Variants in FREM3 observed in about 807,000 individuals in gnomAD.
FREM3 encodes FRAS1-related extracellular matrix protein 3.
In FREM3, 105 loss-of-function variants were observed where a neutral mutation model predicts 129.1. That is an observed-to-expected ratio of 0.81 (90% CI 0.69 to 0.96). The LOEUF (loss-of-function observed/expected upper bound fraction) is 0.96. Ranked by LOEUF, FREM3 falls within the 40% of genes least tolerant of loss-of-function variation. The probability of loss-of-function intolerance (pLI) is 0.00; values close to 1 mark genes in which losing one functional copy is unlikely to be tolerated. For missense variants in FREM3, 2,593 were observed against 2,666.3 expected (o/e 0.97, Z 0.61); for synonymous variants, 1,014 against 1,044.9 (o/e 0.97, Z 0.57).
Position 143,696,924 on chromosome 4 carries a change from G to A in FREM3, c.3752C>T (p.Pro1251Leu), listed in dbSNP as rs1355426847. The A allele has an allele frequency of 5.2e-6, 8 of 1,537,376 alleles. No individual in the cohort carries two copies. The highest frequency in any genetic ancestry group is 7.0e-6 in the Non-Finnish European group (8 of 1,147,004). ...IIQQLATGSQPIHSFTLKEIQ... is the reference protein window; with the variant it reads ...IIQQLATGSQLIHSFTLKEIQ... ...CTCCTTGAGGGTGAAGCTGTGGATG[G>A]GCTGGCTGCCTGTAGCCAGCTGCTG... The change falls in exon 1 of 8, where the codon CCC becomes CTC. Residue 1251 changes from proline (P) to leucine (L), a missense_variant. By Grantham distance (98) the Pro-to-Leu change is moderately conservative. Around this residue, in one of 2 missense-constraint regions of FREM3, gnomAD observed 2,276 missense variants for 2,267.2 expected, o/e 1.00. Transcript: ENST00000329798.
rs753227949 is a variant in FREM3 at position 143,696,369 on chromosome 4, A to G, written c.4307T>C (p.Leu1436Ser). 6.5e-7 allele frequency: 1 copy of G among 1,537,302 alleles called. No individual in the cohort carries two copies. Among genetic ancestry groups the G allele is most frequent in the African/African-American group, 1.4e-5 (1 of 73,036 alleles). The stretch of plus-strand genomic sequence containing the variant: ...AAGGGTCACTCTGGCACCTTCTATC[A>G]AGGTGATCCTTTTGCTGATTACCTC... ...FPEVISKRIT[L>S]IEGARVTLTN... The change falls in exon 1 of 8, where the codon TTG (leucine) becomes TCG (serine). Residue 1436 changes from leucine (L) to serine (S), a missense_variant. By Grantham distance (145) the Leu-to-Ser change is moderately radical. This residue lies in a region of FREM3 where 2,276 missense variants were observed against 2,267.2 expected (regional missense o/e 1.00). Coordinates refer to ENST00000329798, the MANE Select transcript of FREM3 (RefSeq NM_001168235.2).
intron 3 of FREM3, 100 bp downstream of exon 3, chr4:143,627,514 G>C (rs1739061555): frequency 9.3e-7 from 1 of 1,073,230 alleles, no homozygotes; most frequent in South Asian, 1.5e-5. Flanking sequence ...CTCCAAACCA[G>C]TTCTTTATTC....
At chr4:143,594,928 T>C (rs1738439955) in intron 6 of FREM3, among the ~76,000 whole-genome samples, 1 of 152,178 alleles carries the variant, frequency 6.6e-6, no homozygotes, top group Non-Finnish European at 1.5e-5. Context: ...ATTAGAAGAA[T>C]ATGATGCTTT....
At chr4:143,688,732 T>C (rs370506758) in intron 2 of FREM3, among the ~76,000 whole-genome samples, 1 of 152,084 alleles carries the variant, frequency 6.6e-6, no homozygotes. Flanking sequence ...CTACTTCCAG[T>C]CAACTGATCT....
chr4:143,582,998 A>G, intron 7 of FREM3, among the ~76,000 whole-genome samples: 1 of 151,248 alleles, frequency 6.6e-6, no homozygotes, highest in Admixed American at 6.6e-5. Context: ...TTCCCACCTC[A>G]GTCTTACAAC....
At chr4:143,660,026 G>A (rs1214555535) in intron 2 of FREM3, among the ~76,000 whole-genome samples, 1 of 141,554 alleles carries the variant, frequency 7.1e-6, no homozygotes, top group East Asian at 2.1e-4. Context: ...CTCCCATTTT[G>A]TAGGTTGCCT....
chr4:143,582,254 C>G (rs544564186), intron 7 of FREM3, among the ~76,000 whole-genome samples: 1 of 152,146 alleles, frequency 6.6e-6, no homozygotes. Context: ...AGCCAGCACT[C>G]AGGTAAGAGA....
intron 7 of FREM3, among the ~76,000 whole-genome samples, chr4:143,581,206 A>C (rs1738136453): frequency 6.6e-6 from 1 of 151,786 alleles, no homozygotes; most frequent in Admixed American, 6.6e-5. Context: ...TGATCTGGGA[A>C]CCCAGCACAG....
intron 2 of FREM3, among the ~76,000 whole-genome samples, chr4:143,639,649 C>T (rs1739288118): frequency 1.3e-5 from 2 of 152,008 alleles, no homozygotes; most frequent in South Asian, 4.2e-4. Flanking sequence ...CTTTAAGCTC[C>T]CTGGAGGTCT....
Position 143,696,689 on chromosome 4 carries a change from G to T in FREM3, c.3987C>A (p.Ile1329=), listed in dbSNP as rs1545437. ...KGHSEIITNR[I]LKATDLDSDD... is the part of the protein sequence containing the mutation. Reference sequence around the variant, plus strand: ...CTGAGTCAAGATCTGTGGCCTTGAGGATCCGATTTGTGATGATCTCAGAGT... The same window carrying T: ...CTGAGTCAAGATCTGTGGCCTTGAGTATCCGATTTGTGATGATCTCAGAGT... Residue 1329 remains isoleucine (I), a synonymous_variant, in exon 1 of 8, where the codon ATC becomes ATA. Transcript: ENST00000329798. 485,259 of 1,537,442 alleles carry T rather than the reference G, an allele frequency of 0.32. 78,888 individuals are homozygous for T. Among genetic ancestry groups the T allele is most frequent in the Middle Eastern group, 0.39 (2,310 of 5,996 alleles).
chr4:143,619,099 G>A (rs896576409), intron 5 of FREM3, among the ~76,000 whole-genome samples: 1 of 152,162 alleles, frequency 6.6e-6, no homozygotes, highest in Admixed American at 6.5e-5. Context: ...CGAGACCACT[G>A]ACCTTTAACT....
intron 2 of FREM3, among the ~76,000 whole-genome samples, chr4:143,656,447 G>A (rs1466806157): frequency 6.6e-6 from 1 of 152,088 alleles, no homozygotes; most frequent in Non-Finnish European, 1.5e-5. Context: ...ATAAAAAGCA[G>A]TACCATATAT....
chr4:143,607,973 T>TTCA (rs1738694758), intron 6 of FREM3, among the ~76,000 whole-genome samples: 1 of 152,174 alleles, frequency 6.6e-6, no homozygotes, highest in African/African-American at 2.4e-5. Context: ...CTTGTGGCCC[T>TTCA]TTCCTCCAGC....
Position 143,698,719 on chromosome 4 carries a change from C to T in FREM3, c.1957G>A (p.Gly653Arg), listed in dbSNP as rs1383645124. 6.5e-7 allele frequency: 1 copy of T among 1,537,312 alleles called. No individual in the cohort carries two copies. Among genetic ancestry groups the T allele is most frequent in the Non-Finnish European group, 8.7e-7 (1 of 1,146,936 alleles). Reference sequence around the variant, plus strand: ...CCAAGATGGCGGTAGAAGAGTCTCCCTTCCATTATGTCTCTCTGTAGCCAC... The same window carrying T: ...CCAAGATGGCGGTAGAAGAGTCTCCTTTCCATTATGTCTCTCTGTAGCCAC... ...TEWLQRDIME[G>R]RLFYRHLGPH... is the part of the protein sequence containing the mutation. The change falls in exon 1 of 8, where the codon GGG (glycine) becomes AGG (arginine). Residue 653 changes from glycine (G) to arginine (R), a missense_variant. Around this residue, in one of 2 missense-constraint regions of FREM3, gnomAD observed 2,276 missense variants for 2,267.2 expected, o/e 1.00. Coordinates refer to ENST00000329798, the MANE Select transcript of FREM3 (RefSeq NM_001168235.2).
At position 143,700,421 on chromosome 4, in the gene FREM3, C is replaced by T; in HGVS notation, c.255G>A (p.Leu85=). 1.3e-6 allele frequency: 2 copies of T among 1,532,016 alleles called. No homozygotes were observed. The highest frequency in any genetic ancestry group is 1.7e-6 in the Non-Finnish European group (2 of 1,144,266). The allele number at this position is 1,532,016 out of a possible 1,614,324, so 94.9% of individuals were successfully genotyped here. ...GGTCCCCCGGCTGCACTCCAATCAC[C>T]AGATCCCGGAGCGGGTCGAGCCAAA... ...RSLWLDPLRD[L]VIGVQPGDRC... is the part of the protein sequence containing the mutation. The change falls in exon 1 of 8, where the codon CTG becomes CTA. Residue 85 remains leucine (L), a synonymous_variant. Transcript: ENST00000329798.
In FREM3 at chr4:143,611,646, T is replaced by G; in HGVS notation, c.5780-119A>C. ...AGCTATCTGAATGATACAACACACT[T>G]ACCTCTTATGCTCACAAATAGTAAT... is the stretch of plus-strand genomic sequence containing the variant. On this transcript the variant is annotated intron_variant, in intron 5 of 7. Coordinates refer to ENST00000329798, the MANE Select transcript of FREM3 (RefSeq NM_001168235.2). The G allele has an allele frequency of 4.7e-6, 4 of 849,176 alleles. No homozygotes were observed. In the South Asian group the frequency reaches 5.4e-5, roughly 11 times the overall value. 52.6% of individuals were successfully genotyped at this position (849,176 alleles called of 1,614,324 possible).
Position 143,698,348 on chromosome 4 carries a change from G to T in FREM3, c.2328C>A (p.Thr776=). The part of the protein sequence containing the change: ...DSPDTLIMHF[T]QAQVNQHKVA... ...CTTTATGCTGATTTACCTGGGCTTG[G>T]GTAAAGTGCATGATGAGTGTGTCTG... Residue 776 remains threonine (T), a synonymous_variant, in exon 1 of 8, where the codon ACC becomes ACA. Coordinates refer to ENST00000329798, the MANE Select transcript of FREM3 (RefSeq NM_001168235.2). The T allele has an allele frequency of 6.5e-7, 1 of 1,537,852 alleles. No homozygotes were observed. Among genetic ancestry groups the T allele is most frequent in the Non-Finnish European group, 8.7e-7 (1 of 1,147,062 alleles).
chr4:143,618,903 T>C (rs1370574493), intron 5 of FREM3, among the ~76,000 whole-genome samples: 4 of 151,470 alleles, frequency 2.6e-5, no homozygotes, highest in Non-Finnish European at 5.9e-5. Context: ...CTCAAAATCC[T>C]CCCCCAACCT....
intron 2 of FREM3, chr4:143,645,137 T>C (rs1435521148): frequency 6.6e-6 from 1 of 152,164 alleles, no homozygotes; most frequent in Admixed American, 6.6e-5. Flanking sequence ...GAAGAGGAAC[T>C]GTGTGCTCCG....
Sources: gnomAD v4.1 joint callset for allele counts (sites outside exome capture counted in the v4.1 genomes callset) on GRCh38, gnomAD v4.1.1 for gene constraint, gnomAD v4.1.1 regional missense constraint, MANE v1.5 for transcripts, NCBI Gene and HGNC (gene_info 2026-07-23, HGNC 2026-07-21) for gene names.